DNAAF11: variants seen among roughly 807,000 people sequenced by gnomAD.
The protein encoded by DNAAF11 is dynein axonemal assembly factor 11.
In DNAAF11, 45 loss-of-function variants were observed where a neutral mutation model predicts 60.8. That is an observed-to-expected ratio of 0.74 (90% CI 0.58 to 0.95). DNAAF11 has a LOEUF of 0.95. DNAAF11 is among the 40% of genes least tolerant of loss of function. DNAAF11 has a pLI of 0.00. For missense variants in DNAAF11, 546 were observed against 546.2 expected (o/e 1.00, Z 0.00); for synonymous variants, 191 against 183.5 (o/e 1.04, Z -0.33).
intron 10 of DNAAF11, among the ~76,000 whole-genome samples, chr8:132,601,858 G>A (rs1346982461): frequency 2.6e-5 from 4 of 151,990 alleles, no homozygotes; most frequent in African/African-American, 9.7e-5. Flanking sequence ...CCAACATGGT[G>A]CATATATACA....
At chr8:132,687,724 T>G in the DNAAF11 span, 1 of 455,254 alleles carries the variant, frequency 2.2e-6, no homozygotes, top group Non-Finnish European at 4.4e-6. Context: ...GCTCAGGGCC[T>G]GAACTCAAAT....
chr8:132,631,557 A>G (rs1820795441), intron 5 of DNAAF11, among the ~76,000 whole-genome samples: 1 of 152,202 alleles, frequency 6.6e-6, no homozygotes, highest in African/African-American at 2.4e-5. Context: ...CTATTGTTTA[A>G]GGAGGCATAC....
intron 7 of DNAAF11, among the ~76,000 whole-genome samples, chr8:132,621,025 A>C (rs1365842655): frequency 6.6e-6 from 1 of 152,112 alleles, no homozygotes; most frequent in African/African-American, 2.4e-5. Context: ...TGGGTGAAAG[A>C]TCTTCAATGA....
upstream of DNAAF11, among the ~76,000 whole-genome samples, chr8:132,676,049 A>G (rs920395865): frequency 1.3e-5 from 2 of 152,190 alleles, no homozygotes; most frequent in Non-Finnish European, 2.9e-5. Flanking sequence ...GAAAGACACT[A>G]TGAAAACAAC....
At chr8:132,574,228 A>G (rs1302523392) in intron 11 of DNAAF11, among the ~76,000 whole-genome samples, 1 of 152,240 alleles carries the variant, frequency 6.6e-6, no homozygotes, top group African/African-American at 2.4e-5. Flanking sequence ...GACTGTGCAG[A>G]AAACAGTAAA....
chr8:132,652,323 T>C (rs1458134751), intron 3 of DNAAF11, among the ~76,000 whole-genome samples: 1 of 152,160 alleles, frequency 6.6e-6, no homozygotes, highest in Non-Finnish European at 1.5e-5. Context: ...CACCAAATCC[T>C]TTGTGACTGT....
the DNAAF11 span, among the ~76,000 whole-genome samples, chr8:132,696,633 T>G: frequency 1.3e-5 from 2 of 152,180 alleles, no homozygotes; most frequent in African/African-American, 4.8e-5. Flanking sequence ...CTTGAAAACA[T>G]TATGCCACAT....
upstream of DNAAF11, among the ~76,000 whole-genome samples, chr8:132,676,447 G>A (rs1563730617): frequency 1.3e-5 from 2 of 152,140 alleles, no homozygotes; most frequent in Non-Finnish European, 1.5e-5. Context: ...AAGGAGGGGG[G>A]CAATATGTAA....
chr8:132,625,382 G>A lies in DNAAF11; in HGVS notation c.726C>T (p.Asn242=). The A allele has an allele frequency of 6.2e-7, 1 of 1,613,358 alleles. No homozygotes were observed. Among genetic ancestry groups the A allele is most frequent in the South Asian group, 1.1e-5 (1 of 90,952 alleles). ...TCCAGAATTCCAAGTCATCTTCACT[G>A]TTGTCTAATTTCTTTGTGTTGTGTT... ...TEEHNTKKLD[N]SEDDLEFWNK... is the part of the protein sequence containing the mutation. Residue 242 remains asparagine (N), a synonymous_variant, in exon 6 of 12, where the codon AAC becomes AAT. Transcript: ENST00000620350.
chr8:132,590,674 T>C (rs1327472019), intron 10 of DNAAF11, among the ~76,000 whole-genome samples: 5 of 152,218 alleles, frequency 3.3e-5, no homozygotes, highest in Admixed American at 2.6e-4. Context: ...GATAGTGGCC[T>C]GGGAATCTAG....
chr8:132,687,048 A>G, the DNAAF11 span, among the ~76,000 whole-genome samples: 1 of 152,200 alleles, frequency 6.6e-6, no homozygotes, highest in East Asian at 1.9e-4. Flanking sequence ...CCTCACCCAT[A>G]GAAGACACTC....
chr8:132,576,186 T>A (rs1372477494), intron 11 of DNAAF11, among the ~76,000 whole-genome samples: 1 of 152,228 alleles, frequency 6.6e-6, no homozygotes. Context: ...CTACTCCTTG[T>A]TACTGCCCTG....
intron 6 of DNAAF11, among the ~76,000 whole-genome samples, chr8:132,623,528 G>C (rs1199006410): frequency 6.6e-6 from 1 of 152,050 alleles, no homozygotes; most frequent in African/African-American, 2.4e-5. Context: ...AAGATTAATG[G>C]AGTAATAGGA....
the DNAAF11 span, among the ~76,000 whole-genome samples, chr8:132,682,776 G>T: frequency 7.2e-5 from 11 of 152,222 alleles, no homozygotes; most frequent in African/African-American, 2.7e-4. Flanking sequence ...TGGCTGAAAA[G>T]TTCAGGGTTG....
upstream of DNAAF11, among the ~76,000 whole-genome samples, chr8:132,678,698 T>C (rs1825823221): frequency 6.6e-6 from 1 of 151,782 alleles, no homozygotes; most frequent in Non-Finnish European, 1.5e-5. Flanking sequence ...AGTGCCCTTA[T>C]ATTGAACTTC....
At chr8:132,616,616 G>A (rs1371501853) in intron 7 of DNAAF11, among the ~76,000 whole-genome samples, 2 of 152,172 alleles carry the variant, frequency 1.3e-5, no homozygotes, top group Non-Finnish European at 2.9e-5. Flanking sequence ...ACACGATGCT[G>A]GAGAGTGTTA....
chr8:132,622,472 A>G lies in DNAAF11; in HGVS notation c.914+139T>C, dbSNP rs563061029. ...TGCCTTTAAATATGCACCAAATGAC[A>G]TTATTTTTAGACTCATCAAACTTGT... On this transcript the variant is annotated intron_variant, in intron 7 of 11. Transcript: ENST00000620350. 3 of 608,660 alleles carry G rather than the reference A, an allele frequency of 4.9e-6. No individual in the cohort carries two copies. The South Asian group carries it at 8.4e-5, about 17-fold the overall frequency. The allele number at this position is 608,660 out of a possible 1,614,324, so 37.7% of individuals were successfully genotyped here.
intron 10 of DNAAF11, among the ~76,000 whole-genome samples, chr8:132,598,768 T>G (rs199673826): frequency 1.3e-5 from 2 of 152,158 alleles, no homozygotes; most frequent in Admixed American, 1.3e-4. Context: ...GGGACACATT[T>G]AAAGCAGTGT....
chr8:132,649,965 C>T (rs1822832926), intron 3 of DNAAF11, among the ~76,000 whole-genome samples: 1 of 152,198 alleles, frequency 6.6e-6, no homozygotes, highest in South Asian at 2.1e-4. Context: ...TGTGGTGATT[C>T]CTCAAGGATC....
Sources: gnomAD v4.1 joint callset for allele counts (sites outside exome capture counted in the v4.1 genomes callset) on GRCh38, gnomAD v4.1.1 for gene constraint, MANE v1.5 for transcripts, NCBI Gene and HGNC (gene_info 2026-07-23, HGNC 2026-07-21) for gene names.